The following VEGFC variants were observed in gnomAD, a reference collection of about 807,000 sequenced individuals.
VEGFC encodes FLT4 ligand DHM.
A neutral mutation model predicts 46.1 loss-of-function variants in VEGFC; 12 were observed. That is an observed-to-expected ratio of 0.26 (90% CI 0.17 to 0.42). The LOEUF is 0.42. VEGFC is among the 10% of genes least tolerant of loss of function. The probability of loss-of-function intolerance (pLI) is 1.00; values close to 1 mark genes in which losing one functional copy is unlikely to be tolerated. For synonymous variants in VEGFC, 232 were observed against 195.5 expected, an observed-to-expected ratio of 1.19 and a Z score of -1.56; for missense variants, 488 against 529.4, an observed-to-expected ratio of 0.92 and a Z score of 0.77.
intron 3 of VEGFC, among the ~76,000 whole-genome samples, chr4:176,713,270 C>T (rs1008806250): frequency 2.6e-5 from 4 of 152,038 alleles, no homozygotes; most frequent in Admixed American, 2.0e-4. Flanking sequence ...CGTTTATACA[C>T]GTTGGATAAA....
At chr4:176,690,253 C>A (rs1734129383) in intron 4 of VEGFC, among the ~76,000 whole-genome samples, 2 of 151,470 alleles carry the variant, frequency 1.3e-5, no homozygotes, top group South Asian at 2.1e-4. Context: ...GAATGTCAAA[C>A]ATGTATGTAA....
intron 3 of VEGFC, among the ~76,000 whole-genome samples, chr4:176,727,145 T>C (rs1734884722): frequency 6.6e-6 from 1 of 152,228 alleles, no homozygotes; most frequent in South Asian, 2.1e-4. Flanking sequence ...CGGGTTTATG[T>C]GTCTGGTCTG....
chr4:176,731,941 A>C (rs1458972865), intron 1 of VEGFC, among the ~76,000 whole-genome samples: 1 of 152,020 alleles, frequency 6.6e-6, no homozygotes, highest in African/African-American at 2.4e-5. Flanking sequence ...GCTGGAGAAA[A>C]ACATAAGCAT....
chr4:176,773,430 G>T (rs575638673), intron 1 of VEGFC, among the ~76,000 whole-genome samples: 1 of 152,098 alleles, frequency 6.6e-6, no homozygotes, highest in East Asian at 1.9e-4. Context: ...CATTTTAACT[G>T]ATACTCTCAA....
chr4:176,727,984 G>C lies in VEGFC; in HGVS notation c.362-16C>G. On this transcript the variant is annotated splice_polypyrimidine_tract_variant and intron_variant, in intron 2 of 6. Coordinates refer to ENST00000618562, the MANE Select transcript of VEGFC (RefSeq NM_005429.5). ...TTATCAATACCTGTCAAGTCATAGG[G>C]AAATCAGTAAGTTTTACGGAAACCA... The C allele has an allele frequency of 6.4e-7, 1 of 1,563,674 alleles. No individual in the cohort carries two copies. The highest frequency in any genetic ancestry group is 1.4e-5 in the African/African-American group (1 of 73,500).
chr4:176,726,837 A>AACACC (rs1734880866), intron 3 of VEGFC, among the ~76,000 whole-genome samples: 1 of 152,242 alleles, frequency 6.6e-6, no homozygotes, highest in Non-Finnish European at 1.5e-5. Context: ...AATCAAATCT[A>AACACC]ACACCACATC....
At chr4:176,727,695 C>A in intron 3 of VEGFC, 83 bp downstream of exon 3, 4 of 1,402,356 alleles carry the variant, frequency 2.9e-6, no homozygotes, top group Non-Finnish European at 2.8e-6. Context: ...TTAAAGCAAC[C>A]AGAAGTTTAA....
intron 1 of VEGFC, among the ~76,000 whole-genome samples, chr4:176,789,889 A>T (rs1410408517): frequency 6.6e-6 from 1 of 152,228 alleles, no homozygotes; most frequent in Non-Finnish European, 1.5e-5. Flanking sequence ...AATATTAAAA[A>T]AGTTCCTAGG....
intron 4 of VEGFC, among the ~76,000 whole-genome samples, chr4:176,688,451 T>C (rs1734086386): frequency 6.6e-6 from 1 of 152,200 alleles, no homozygotes; most frequent in African/African-American, 2.4e-5. Context: ...TAAATGTATC[T>C]TTACTGACTT....
intron 1 of VEGFC, among the ~76,000 whole-genome samples, chr4:176,742,320 A>G (rs1407880305): frequency 6.6e-6 from 1 of 152,008 alleles, no homozygotes; most frequent in Non-Finnish European, 1.5e-5. Flanking sequence ...CATTTTCTGT[A>G]TCCAGTCCCC....
intron 4 of VEGFC, among the ~76,000 whole-genome samples, chr4:176,689,105 T>A (rs565675395): frequency 3.3e-5 from 5 of 152,356 alleles, no homozygotes; most frequent in East Asian, 1.9e-4. Flanking sequence ...CTAATGTTGG[T>A]GTAGACATCA....
intron 1 of VEGFC, among the ~76,000 whole-genome samples, chr4:176,761,260 T>C (rs1400416101): frequency 1.3e-5 from 2 of 152,336 alleles, no homozygotes; most frequent in South Asian, 2.1e-4. Context: ...TGAGAACTTA[T>C]TTAAGTCCTC....
chr4:176,692,597 G>A (rs57252593), intron 4 of VEGFC, among the ~76,000 whole-genome samples: 5,019 of 113,918 alleles, frequency 0.044, 363 homozygotes, highest in African/African-American at 0.18. Context: ...CAAAGCAGCC[G>A]GGAAGCTCGA....
At chr4:176,777,344 G>A (rs999068584) in intron 1 of VEGFC, among the ~76,000 whole-genome samples, 1 of 152,024 alleles carries the variant, frequency 6.6e-6, no homozygotes, top group Non-Finnish European at 1.5e-5. Context: ...ACTACTGCAT[G>A]GGCTTTGAAA....
chr4:176,737,098 C>T (rs1239189295), intron 1 of VEGFC, among the ~76,000 whole-genome samples: 1 of 150,388 alleles, frequency 6.6e-6, no homozygotes, highest in Non-Finnish European at 1.5e-5. Context: ...AAAAGACCAC[C>T]CACTTTATTG....
intron 1 of VEGFC, among the ~76,000 whole-genome samples, chr4:176,786,027 G>A (rs1025166238): frequency 6.6e-6 from 1 of 152,060 alleles, no homozygotes; most frequent in Non-Finnish European, 1.5e-5. Context: ...AGCATATAGA[G>A]GAGTTCGAAT....
In VEGFC at chr4:176,717,901, G is replaced by A. The variant is rs183982148; in HGVS notation, c.553-6251C>T. Among the ~76,000 whole-genome samples the A allele has an allele frequency of 7.6e-4, 116 of 152,104 alleles. 1 individual carries two copies. The highest frequency in any genetic ancestry group is 2.6e-3 in the African/African-American group (108 of 41,514). ...ACATGGCCAGCTATAAAAGGCCTGT[G>A]GAACTTAAATTGGGTTTGGGAAAGA... On this transcript the variant is annotated intron_variant, in intron 3 of 6. Coordinates refer to ENST00000618562, the MANE Select transcript of VEGFC (RefSeq NM_005429.5).
At chr4:176,773,453 A>T (rs902411051) in intron 1 of VEGFC, among the ~76,000 whole-genome samples, 5 of 152,238 alleles carry the variant, frequency 3.3e-5, no homozygotes, top group Admixed American at 3.3e-4. Flanking sequence ...TAGTTAGTGA[A>T]ATCACCAGAG....
chr4:176,777,315 TCAAA>T lies in VEGFC; in HGVS notation c.147+14846_147+14849del, dbSNP rs565359717. 3.1e-3 allele frequency among the ~76,000 whole-genome samples: 469 copies of T among 152,266 alleles called. 1 individual carries two copies. The highest frequency in any genetic ancestry group is 0.011 in the African/African-American group (448 of 41,546). On this transcript the variant is annotated intron_variant, in intron 1 of 6. Transcript: ENST00000618562. ...CTGGCCGAGACAGCGAGACTCCGTC[TCAAA>T]CAAACAAACAAAAAACTACTGCATG... is the stretch of plus-strand genomic sequence containing the variant.
Sources: allele counts gnomAD v4.1 joint callset (sites outside exome capture counted in the v4.1 genomes callset), GRCh38; gene constraint gnomAD v4.1.1; transcripts MANE v1.5; gene names NCBI Gene and HGNC (gene_info 2026-07-23, HGNC 2026-07-21).